The following HEATR6 variants were observed in gnomAD, a reference collection of about 807,000 sequenced individuals.
The protein encoded by HEATR6 is HEAT repeat containing 6, also known as HEAT repeat-containing protein 6.
HEATR6 carries 106 observed loss-of-function variants against 132.8 expected under a neutral mutation model. That is an observed-to-expected ratio of 0.80 (90% CI 0.68 to 0.94). The LOEUF (loss-of-function observed/expected upper bound fraction) is 0.94, where lower values mean the gene tolerates loss of function less well. Among genes scored for constraint, HEATR6 ranks in the 40% least tolerant of loss-of-function variants. HEATR6 has a pLI of 0.00. For missense variants in HEATR6, 1,339 were observed against 1,425.1 expected, an observed-to-expected ratio of 0.94 and a Z score of 0.97; for synonymous variants, 529 against 537.8, an observed-to-expected ratio of 0.98 and a Z score of 0.23.
intron 14 of HEATR6, among the ~76,000 whole-genome samples, chr17:60,054,533 A>G (rs890067398): frequency 1.3e-5 from 2 of 152,248 alleles, no homozygotes; most frequent in African/African-American, 4.8e-5. Context: ...CACCCCTTGC[A>G]CCAGTGTGCA....
chr17:60,074,014 A>T (rs2083284374), intron 2 of HEATR6, 128 bp from the exon 3 acceptor site: 2 of 1,417,824 alleles, frequency 1.4e-6, no homozygotes, highest in Admixed American at 5.9e-5. Context: ...TATGTGTCAA[A>T]AGGATCACCT....
At chr17:60,060,384 A>T (rs757481330) in intron 9 of HEATR6, among the ~76,000 whole-genome samples, 12 of 152,176 alleles carry the variant, frequency 7.9e-5, no homozygotes, top group Admixed American at 3.9e-4. Flanking sequence ...GGCTCAAGCA[A>T]TCCTCCCACG....
chr17:60,057,513 TA>T (rs1387692049), intron 11 of HEATR6, 110 bp from the exon 12 acceptor site: 15 of 681,742 alleles, frequency 2.2e-5, no homozygotes, highest in Non-Finnish European at 3.2e-5. Context: ...AACCTGAATC[TA>T]ATCAAACTTC....
Position 60,049,666 on chromosome 17 carries a change from C to T in HEATR6, c.2461G>A (p.Gly821Arg), listed in dbSNP as rs140995712. The change falls in exon 16 of 20, where the codon GGG (glycine) becomes AGG (arginine). Residue 821 changes from glycine (G) to arginine (R), a missense_variant. Coordinates refer to ENST00000184956, the MANE Select transcript of HEATR6 (RefSeq NM_022070.5). ...RQMLCITVLL[G>R]LNDSKNRLVK... ...AAGCGATTCTTGCTGTCATTCAGCCCGAGCAGCACTGTGATGCACAGCATC... is the reference window on the plus strand; with the variant it reads ...AAGCGATTCTTGCTGTCATTCAGCCTGAGCAGCACTGTGATGCACAGCATC... 7.4e-6 allele frequency: 12 copies of T among 1,613,442 alleles called. No homozygotes were observed. Among genetic ancestry groups the T allele is most frequent in the African/African-American group, 6.7e-5 (5 of 74,868 alleles).
intron 2 of HEATR6, chr17:60,074,152 A>G (rs1244588222): frequency 8.5e-7 from 1 of 1,175,792 alleles, no homozygotes; most frequent in Non-Finnish European, 1.1e-6. Flanking sequence ...CTAACCAGAC[A>G]TTGGCAGCTG....
chr17:60,049,080 A>ATAACAC (rs919274231), intron 16 of HEATR6, among the ~76,000 whole-genome samples: 1 of 146,328 alleles, frequency 6.8e-6, no homozygotes, highest in African/African-American at 2.5e-5. Context: ...ATATTTATGT[A>ATAACAC]TAACACTACA....
intron 9 of HEATR6, among the ~76,000 whole-genome samples, chr17:60,062,637 A>G (rs1274796943): frequency 3.3e-5 from 5 of 152,152 alleles, no homozygotes; most frequent in African/African-American, 1.2e-4. Context: ...ATGACTGTTC[A>G]CATGTTATTT....
At chr17:60,056,475 T>C (rs919363018) in intron 12 of HEATR6, among the ~76,000 whole-genome samples, 1 of 152,220 alleles carries the variant, frequency 6.6e-6, no homozygotes, top group Admixed American at 6.5e-5. Context: ...GTCTTGGAAC[T>C]ATTCTTTAAA....
intron 9 of HEATR6, among the ~76,000 whole-genome samples, chr17:60,061,678 C>G (rs2083212329): frequency 6.6e-6 from 1 of 152,230 alleles, no homozygotes; most frequent in South Asian, 2.1e-4. Context: ...ATAATTTTCA[C>G]ATATCACGAG....
rs1170328076 is a variant in HEATR6, at chr17:60,057,247, C to T, written c.1880G>A (p.Trp627Ter). The T allele has an allele frequency of 1.2e-6, 2 of 1,614,080 alleles. No homozygotes were observed. Among genetic ancestry groups the T allele is most frequent in the Non-Finnish European group, 1.7e-6 (2 of 1,180,042 alleles). The part of the protein sequence containing the change: ...ATPHLSPPDW[W>*]KKAPAGPSLE... ...AGAGGGTCCTGCAGGGGCTTTCTTCCACCAATCAGGAGGGCTGAGGTGAGG... is the reference window on the plus strand; with the variant it reads ...AGAGGGTCCTGCAGGGGCTTTCTTCTACCAATCAGGAGGGCTGAGGTGAGG... The change falls in exon 12 of 20, where the codon TGG (tryptophan) becomes TAG (stop). Residue 627 changes from tryptophan to a stop codon, truncating the protein, a stop_gained. Transcript: ENST00000184956. LOFTEE classifies it high-confidence loss of function.
At chr17:60,054,010 C>T (rs563947364) in intron 14 of HEATR6, among the ~76,000 whole-genome samples, 8 of 152,288 alleles carry the variant, frequency 5.3e-5, no homozygotes, top group South Asian at 4.1e-4. Context: ...GCCAAGACTA[C>T]GGGAAAACAG....
chr17:60,061,686 G>A (rs1236827971), intron 9 of HEATR6, among the ~76,000 whole-genome samples: 7 of 152,176 alleles, frequency 4.6e-5, no homozygotes, highest in African/African-American at 1.7e-4. Context: ...CACATATCAC[G>A]AGATATTATT....
chr17:60,045,123 G>A (rs1340030403), intron 19 of HEATR6, among the ~76,000 whole-genome samples: 3 of 152,154 alleles, frequency 2.0e-5, no homozygotes, highest in African/African-American at 7.2e-5. Flanking sequence ...AGGTGCCCTG[G>A]TTTCAAGGAC....
intron 5 of HEATR6, among the ~76,000 whole-genome samples, chr17:60,071,853 T>C (rs1464008198): frequency 2.0e-5 from 3 of 152,238 alleles, no homozygotes; most frequent in African/African-American, 7.2e-5. Context: ...AAGATGTTAA[T>C]AAACTGTCGT....
intron 2 of HEATR6, chr17:60,075,746 A>T (rs1391835343): frequency 6.6e-6 from 1 of 152,078 alleles, no homozygotes; most frequent in Admixed American, 6.6e-5. Context: ...TGGGAGGCTG[A>T]GGCAGAAGAA....
chr17:60,047,341 A>C lies in HEATR6; in HGVS notation c.2737T>G (p.Ser913Ala). 6.2e-7 allele frequency: 1 copy of C among 1,613,118 alleles called. No individual in the cohort carries two copies. The highest frequency in any genetic ancestry group is 8.5e-7 in the Non-Finnish European group (1 of 1,179,472). ...SGLLLLKMLR[S>A]AIEASKDKDK... ...TTATCCTTGGATGCTTCTATAGCTG[A>C]TCGTAACATTTTCAAGAGCAGGAGA... Residue 913 changes from serine (S) to alanine (A), a missense_variant, in exon 18 of 20, where the codon TCA becomes GCA. Transcript: ENST00000184956.
Position 60,059,846 on chromosome 17 carries a change from T to G in HEATR6, c.1623+44A>C, listed in dbSNP as rs1906874529. 2.1e-6 allele frequency: 3 copies of G among 1,435,178 alleles called. No homozygotes were observed. In the African/African-American group the frequency reaches 4.2e-5, roughly 20 times the overall value. 88.9% of individuals were successfully genotyped at this position (1,435,178 alleles called of 1,614,324 possible). The stretch of plus-strand genomic sequence containing the variant: ...AGCTATGTAAAACAGTATACAAAAT[T>G]AAAACAGAGAAGCCTGCTCTGGAAC... On this transcript the variant is annotated intron_variant, in intron 10 of 19. Transcript: ENST00000184956.
At chr17:60,052,448 T>C (rs1276942456) in intron 14 of HEATR6, among the ~76,000 whole-genome samples, 1 of 152,184 alleles carries the variant, frequency 6.6e-6, no homozygotes, top group Non-Finnish European at 1.5e-5. Context: ...AGATGAACAC[T>C]ACCTGAGTGT....
At chr17:60,061,973 T>G (rs1463024465) in intron 9 of HEATR6, among the ~76,000 whole-genome samples, 1 of 152,268 alleles carries the variant, frequency 6.6e-6, no homozygotes, top group East Asian at 1.9e-4. Context: ...TTAGCACAAT[T>G]TTGGCATCTT....
Sources: gnomAD v4.1 joint callset for allele counts (sites outside exome capture counted in the v4.1 genomes callset) on GRCh38, gnomAD v4.1.1 for gene constraint, MANE v1.5 for transcripts, NCBI Gene and HGNC (gene_info 2026-07-23, HGNC 2026-07-21) for gene names.